The following CCSER1 variants were observed in gnomAD, a reference collection of about 807,000 sequenced individuals.
The protein encoded by CCSER1 is serine-rich coiled-coil domain-containing protein 1.
CCSER1 carries 41 observed loss-of-function variants against 82.0 expected under a neutral mutation model. That is an observed-to-expected ratio of 0.50 (90% CI 0.39 to 0.65). The LOEUF (loss-of-function observed/expected upper bound fraction) is 0.65, where lower values mean the gene tolerates loss of function less well. CCSER1 is among the 30% of genes least tolerant of loss of function. The pLI, the probability that CCSER1 is intolerant of heterozygous loss-of-function variation, is 0.00. For missense variants in CCSER1, 1,119 were observed against 1,064.2 expected, an observed-to-expected ratio of 1.05 and a Z score of -0.72; for synonymous variants, 414 against 383.9, an observed-to-expected ratio of 1.08 and a Z score of -0.92.
chr4:91,511,971 T>G (rs1759848892), intron 10 of CCSER1, among the ~76,000 whole-genome samples: 1 of 152,182 alleles, frequency 6.6e-6, no homozygotes, highest in South Asian at 2.1e-4. Context: ...TGAAAAAGGT[T>G]GGGGATTACT....
In CCSER1 at chr4:91,391,363, C is replaced by T. The variant is rs747959408; in HGVS notation, c.2218-207209C>T. Among the ~76,000 whole-genome samples, 12 of 152,248 alleles carry T rather than the reference C, an allele frequency of 7.9e-5. 1 individual carries two copies. The highest frequency in any genetic ancestry group is 6.2e-4 in the South Asian group (3 of 4,826). The stretch of plus-strand genomic sequence containing the variant: ...TCACCCAGGCTAGAATGCAGTGGCA[C>T]GATCATGGCTCAGTGCAGCCTCTAC... On this transcript the variant is annotated intron_variant, in intron 10 of 10. Coordinates refer to ENST00000509176, the MANE Select transcript of CCSER1 (RefSeq NM_001145065.2).
chr4:91,565,692 T>C (rs961117432), intron 10 of CCSER1, among the ~76,000 whole-genome samples: 1 of 152,124 alleles, frequency 6.6e-6, no homozygotes, highest in African/African-American at 2.4e-5. Flanking sequence ...CTGATATGGC[T>C]CTCAGTTTGG....
At chr4:91,176,865 A>G (rs891546312) in intron 10 of CCSER1, among the ~76,000 whole-genome samples, 6 of 152,076 alleles carry the variant, frequency 3.9e-5, no homozygotes, top group Non-Finnish European at 7.4e-5. Flanking sequence ...TGTTGAATAG[A>G]AGTGGTGAGA....
intron 10 of CCSER1, among the ~76,000 whole-genome samples, chr4:91,166,549 G>T (rs1436730962): frequency 1.3e-5 from 2 of 152,168 alleles, no homozygotes; most frequent in African/African-American, 4.8e-5. Context: ...TTAAGATGAG[G>T]CTTATAAAAC....
chr4:90,763,443 A>G (rs1170111121), intron 7 of CCSER1, among the ~76,000 whole-genome samples: 1 of 152,162 alleles, frequency 6.6e-6, no homozygotes, highest in Non-Finnish European at 1.5e-5. Context: ...CTTTCAATTG[A>G]ATTTTAACTC....
chr4:90,232,694 A>G (rs1385283271), intron 1 of CCSER1, among the ~76,000 whole-genome samples: 5 of 142,604 alleles, frequency 3.5e-5, no homozygotes, highest in African/African-American at 1.1e-4. Flanking sequence ...GCAACCTACA[A>G]AATGGGAGAA....
chr4:90,464,982 C>T (rs746311685), intron 4 of CCSER1, among the ~76,000 whole-genome samples: 3 of 152,096 alleles, frequency 2.0e-5, no homozygotes, highest in Non-Finnish European at 4.4e-5. Context: ...ATTTTGTTTT[C>T]GAGACGGGGT....
At chr4:90,958,594 C>T (rs189132708) in intron 9 of CCSER1, among the ~76,000 whole-genome samples, 2 of 152,032 alleles carry the variant, frequency 1.3e-5, no homozygotes, top group African/African-American at 4.8e-5. Context: ...ACTTGCTAAC[C>T]TTAGAGACAG....
At chr4:90,576,453 T>C (rs1174309167) in intron 5 of CCSER1, among the ~76,000 whole-genome samples, 1 of 152,198 alleles carries the variant, frequency 6.6e-6, no homozygotes, top group Admixed American at 6.5e-5. Flanking sequence ...GCATAATACA[T>C]GTATCTACCA....
chr4:91,080,857 A>G (rs1357247376), intron 9 of CCSER1, among the ~76,000 whole-genome samples: 4 of 152,202 alleles, frequency 2.6e-5, no homozygotes, highest in African/African-American at 4.8e-5. Flanking sequence ...CCCTCCCAAG[A>G]CTAAAGCAGG....
At chr4:91,045,436 A>AATAGAGAT (rs1326500519) in intron 9 of CCSER1, among the ~76,000 whole-genome samples, 1 of 152,064 alleles carries the variant, frequency 6.6e-6, no homozygotes, top group African/African-American at 2.4e-5. Context: ...CTGTTTTTAC[A>AATAGAGAT]ATAGAGATAT....
intron 3 of CCSER1, among the ~76,000 whole-genome samples, chr4:90,398,989 A>G (rs2153543556): frequency 6.6e-6 from 1 of 152,270 alleles, no homozygotes; most frequent in South Asian, 2.1e-4. Context: ...TACTTTAACT[A>G]CAAATTATGC....
intron 10 of CCSER1, among the ~76,000 whole-genome samples, chr4:91,122,564 A>G (rs1333336445): frequency 6.6e-6 from 1 of 151,796 alleles, no homozygotes; most frequent in African/African-American, 2.4e-5. Context: ...CAAAACTAGA[A>G]AAAGGAAAAA....
At chr4:91,417,679 T>A (rs1489226138) in intron 10 of CCSER1, among the ~76,000 whole-genome samples, 1 of 151,208 alleles carries the variant, frequency 6.6e-6, no homozygotes. Flanking sequence ...CAACACACAC[T>A]GGGGCCTGTC....
At chr4:90,219,228 T>C (rs12643164) in intron 1 of CCSER1, among the ~76,000 whole-genome samples, 93,309 of 152,038 alleles carry the variant, frequency 0.61, 30,036 homozygotes, top group East Asian at 0.83. Context: ...ATCTACAGGA[T>C]GCACTGACGT....
intron 9 of CCSER1, among the ~76,000 whole-genome samples, chr4:90,930,931 T>TATAG (rs1401494244): frequency 2.2e-5 from 3 of 136,784 alleles, no homozygotes; most frequent in Non-Finnish European, 4.8e-5. Context: ...TATATATATA[T>TATAG]ATATATATAC....
intron 3 of CCSER1, among the ~76,000 whole-genome samples, chr4:90,344,377 G>T (rs971075057): frequency 6.6e-6 from 1 of 152,040 alleles, no homozygotes; most frequent in Non-Finnish European, 1.5e-5. Flanking sequence ...TGTTCTGCAC[G>T]TGTTCTTATT....
rs1272391939 is a variant in CCSER1 at position 90,990,024 on chromosome 4, C to T, written c.2172+66577C>T. 4.0e-5 allele frequency among the ~76,000 whole-genome samples: 6 copies of T among 151,782 alleles called. No individual in the cohort carries two copies. In the East Asian group the frequency reaches 5.8e-4, roughly 15 times the overall value. On this transcript the variant is annotated intron_variant, in intron 9 of 10. Transcript: ENST00000509176. ...TCCATGAGATTTTTACAACCAGATG[C>T]GACCTTGAAATGTAAATGGACTTTA...
chr4:90,325,668 C>T (rs534771135), intron 3 of CCSER1: 1 of 448,188 alleles, frequency 2.2e-6, no homozygotes, highest in East Asian at 7.0e-5. Context: ...CTTCAGTAAA[C>T]TAACTACCTG....
Sources: gnomAD v4.1 joint callset for allele counts (sites outside exome capture counted in the v4.1 genomes callset) on GRCh38, gnomAD v4.1.1 for gene constraint, MANE v1.5 for transcripts, NCBI Gene and HGNC (gene_info 2026-07-23, HGNC 2026-07-21) for gene names.